The following MAGI1 variants were observed in gnomAD, a reference collection of about 807,000 sequenced individuals.
MAGI1 encodes the protein membrane associated guanylate kinase, WW and PDZ domain containing 1.
In MAGI1, 58 loss-of-function variants were observed where a neutral mutation model predicts 139.9. The ratio of observed to expected loss-of-function variants is 0.41; its 90% CI spans 0.34 to 0.52. The LOEUF is 0.52. Among genes scored for constraint, MAGI1 ranks in the 20% least tolerant of loss-of-function variants. The pLI is 0.12. For synonymous variants in MAGI1, 812 were observed against 737.9 expected (o/e 1.10, Z -1.63); for missense variants, 1,874 against 1,901.6 (o/e 0.99, Z 0.27).
chr3:65,913,241 G>A (rs190234910), intron 1 of MAGI1, among the ~76,000 whole-genome samples: 1 of 152,226 alleles, frequency 6.6e-6, no homozygotes, highest in East Asian at 1.9e-4. Context: ...TCCAGCCTGA[G>A]CAACAGAGCA....
intron 1 of MAGI1, among the ~76,000 whole-genome samples, chr3:65,888,573 TGAAAG>T (rs1179024423): frequency 6.6e-6 from 1 of 152,158 alleles, no homozygotes; most frequent in Non-Finnish European, 1.5e-5. Context: ...ACATTAGAAA[TGAAAG>T]GAGATTTAGA....
At chr3:65,568,217 G>A (rs933492075) in intron 2 of MAGI1, among the ~76,000 whole-genome samples, 2 of 152,100 alleles carry the variant, frequency 1.3e-5, no homozygotes, top group African/African-American at 4.8e-5. Flanking sequence ...AGTGAAGCAG[G>A]AATTGTTTCC....
chr3:65,450,073 A>T (rs1242451414), intron 6 of MAGI1, among the ~76,000 whole-genome samples: 3 of 152,232 alleles, frequency 2.0e-5, no homozygotes, highest in African/African-American at 4.8e-5. Context: ...ATGTAAGCGT[A>T]TTCTAAGAGA....
intron 1 of MAGI1, among the ~76,000 whole-genome samples, chr3:65,828,394 T>A (rs954643851): frequency 6.6e-5 from 10 of 152,310 alleles, no homozygotes; most frequent in Admixed American, 4.6e-4. Flanking sequence ...TTTTTATGGC[T>A]AAATCCAGTC....
intron 12 of MAGI1, among the ~76,000 whole-genome samples, chr3:65,407,574 G>A (rs566219285): frequency 3.0e-4 from 46 of 152,150 alleles, no homozygotes; most frequent in African/African-American, 9.6e-4. Flanking sequence ...AATATTCAGT[G>A]ATTGGGGGAA....
intron 12 of MAGI1, among the ~76,000 whole-genome samples, chr3:65,417,037 T>C (rs1321128729): frequency 1.3e-5 from 2 of 152,184 alleles, no homozygotes; most frequent in Non-Finnish European, 2.9e-5. Flanking sequence ...TTACACATGG[T>C]AAACTCTGTC....
At chr3:65,878,290 G>A (rs2060194623) in intron 1 of MAGI1, among the ~76,000 whole-genome samples, 1 of 152,116 alleles carries the variant, frequency 6.6e-6, no homozygotes, top group African/African-American at 2.4e-5. Context: ...GCCAAGGCGG[G>A]CAGATCACCT....
At chr3:65,565,832 G>A (rs2080593148) in intron 2 of MAGI1, among the ~76,000 whole-genome samples, 1 of 149,280 alleles carries the variant, frequency 6.7e-6, no homozygotes, top group South Asian at 2.2e-4. Flanking sequence ...ACTCCAGACT[G>A]GGCGACAGGG....
At chr3:65,598,132 G>A (rs1038113585) in intron 2 of MAGI1, among the ~76,000 whole-genome samples, 5 of 152,270 alleles carry the variant, frequency 3.3e-5, no homozygotes, top group Admixed American at 6.5e-5. Flanking sequence ...TATTTAAGCC[G>A]GGAGTGTGAA....
At chr3:65,566,618 TTTTG>T (rs141896683) in intron 2 of MAGI1, among the ~76,000 whole-genome samples, 45 of 152,108 alleles carry the variant, frequency 3.0e-4, no homozygotes, top group East Asian at 1.7e-3. Context: ...GTTACTGGGT[TTTTG>T]TTTGTTTGTT....
Position 65,356,071 on chromosome 3 carries a change from G to A in MAGI1, c.*307C>T. ...AGAGAAAAAGATTGCCCCAAAACGG[G>A]AACAATTCTTGACGATTCTACAGGT... On this transcript the variant is annotated 3_prime_UTR_variant, in exon 23 of 23. Coordinates refer to ENST00000402939, the MANE Select transcript of MAGI1 (RefSeq NM_001033057.2). 4.6e-6 allele frequency: 1 copy of A among 218,324 alleles called. No individual in the cohort carries two copies. The allele number at this position is 218,324 out of a possible 1,614,324, so 13.5% of individuals were successfully genotyped here. A position where few individuals can be genotyped will look rare whatever the true frequency, so the allele number is the denominator to read the frequency against.
rs72894147 is a variant in MAGI1, at chr3:65,804,643, G to A, written c.314-182555C>T. On this transcript the variant is annotated intron_variant, in intron 1 of 22. Coordinates refer to ENST00000402939, the MANE Select transcript of MAGI1 (RefSeq NM_001033057.2). ...TAGCAAGTGGCAATGTAAACGGACC[G>A]TAGCCTACACTTGTGCCAATCACCA... Among the ~76,000 whole-genome samples, 1,215 of 152,148 alleles carry A rather than the reference G, an allele frequency of 8.0e-3. 14 individuals are homozygous for A. The highest frequency in any genetic ancestry group is 0.027 in the African/African-American group (1,117 of 41,514).
chr3:65,520,966 T>C (rs2078126227), intron 2 of MAGI1, among the ~76,000 whole-genome samples: 1 of 152,150 alleles, frequency 6.6e-6, no homozygotes, highest in Admixed American at 6.5e-5. Flanking sequence ...GGCAAACTAT[T>C]ATGACACCAA....
At chr3:65,466,877 T>C (rs1950207550) in intron 5 of MAGI1, among the ~76,000 whole-genome samples, 1 of 152,222 alleles carries the variant, frequency 6.6e-6, no homozygotes, top group Non-Finnish European at 1.5e-5. Flanking sequence ...GCTTCTACCC[T>C]TGGGGCGTAG....
chr3:65,786,200 G>A (rs1035038408), intron 1 of MAGI1, among the ~76,000 whole-genome samples: 1 of 148,770 alleles, frequency 6.7e-6, no homozygotes, highest in Non-Finnish European at 1.5e-5. Flanking sequence ...AGGTGATCTG[G>A]CCACCTTTTC....
At chr3:65,944,731 A>C (rs1188205981) in intron 1 of MAGI1, among the ~76,000 whole-genome samples, 1 of 152,172 alleles carries the variant, frequency 6.6e-6, no homozygotes, top group Non-Finnish European at 1.5e-5. Flanking sequence ...TCACCAAGGA[A>C]ATAGCTAAAA....
Position 65,959,272 on chromosome 3 carries a change from G to C in MAGI1, c.313+78724C>G, listed in dbSNP as rs569704529. ...CTCCTTCCTCTCTACTGCATCCTTT[G>C]TCTTCTACTCCCTTAAGACATTATT... On this transcript the variant is annotated intron_variant, in intron 1 of 22. Transcript: ENST00000402939. Among the ~76,000 whole-genome samples, 56 of 152,130 alleles carry C rather than the reference G, an allele frequency of 3.7e-4. 1 individual carries two copies. The highest frequency in any genetic ancestry group is 3.4e-3 in the Middle Eastern group (1 of 294).
intron 2 of MAGI1, among the ~76,000 whole-genome samples, chr3:65,506,111 T>TA (rs571673798): frequency 4.4e-4 from 67 of 152,248 alleles, no homozygotes; most frequent in Middle Eastern, 6.8e-3. Flanking sequence ...GAGAAACTGT[T>TA]AAAAAATCTA....
chr3:65,461,457 C>T (rs1324316956), intron 5 of MAGI1, among the ~76,000 whole-genome samples: 10 of 149,802 alleles, frequency 6.7e-5, no homozygotes, highest in Admixed American at 1.3e-4. Flanking sequence ...CCTCATGATC[C>T]GCCCATCTTG....
Sources: allele counts gnomAD v4.1 joint callset (sites outside exome capture counted in the v4.1 genomes callset), GRCh38; gene constraint gnomAD v4.1.1; transcripts MANE v1.5; gene names NCBI Gene and HGNC (gene_info 2026-07-23, HGNC 2026-07-21).